The following KBTBD8 variants were observed in gnomAD, a reference collection of about 807,000 sequenced individuals.
KBTBD8 encodes kelch repeat and BTB domain-containing protein 8.
In KBTBD8, 31 loss-of-function variants were observed where a neutral mutation model predicts 53.5. The observed-to-expected ratio is 0.58, with a 90% confidence interval of 0.44 to 0.78. The LOEUF (loss-of-function observed/expected upper bound fraction) is 0.78, where lower values mean the gene tolerates loss of function less well. Ranked by LOEUF, KBTBD8 falls within the 30% of genes least tolerant of loss-of-function variation. The pLI, the probability that KBTBD8 is intolerant of heterozygous loss-of-function variation, is 0.00. For synonymous variants in KBTBD8, 250 were observed against 247.3 expected, an observed-to-expected ratio of 1.01 and a Z score of -0.10; for missense variants, 642 against 735.8, an observed-to-expected ratio of 0.87 and a Z score of 1.48.
rs1157523542 is a variant in KBTBD8, at chr3:67,003,980, A to G, written c.1013A>G (p.Tyr338Cys). The change falls in exon 3 of 4, where the codon TAC becomes TGC. Residue 338 changes from tyrosine to cysteine, a missense_variant. Transcript: ENST00000417314. ...CTTGTATCACCAGATAATGACATTT[A>G]CATTGCAGGAGGGTACAGGCCAAGC... is the stretch of plus-strand genomic sequence containing the variant. ...GILVSPDNDI[Y>C]IAGGYRPSSS... 2 of 1,614,184 alleles carry G rather than the reference A, an allele frequency of 1.2e-6. No homozygotes were observed. Among genetic ancestry groups the G allele is most frequent in the Non-Finnish European group, 1.7e-6 (2 of 1,180,028 alleles).
Position 67,003,404 on chromosome 3 carries a change from A to G in KBTBD8, c.437A>G (p.His146Arg). 1 of 1,614,116 alleles carries G rather than the reference A, an allele frequency of 6.2e-7. No homozygotes were observed. Among genetic ancestry groups the G allele is most frequent in the Non-Finnish European group, 8.5e-7 (1 of 1,179,972 alleles). Residue 146 changes from histidine to arginine, a missense_variant, in exon 3 of 4, where the codon CAT becomes CGT. By Grantham distance (29) the His-to-Arg change is conservative. Transcript: ENST00000417314. ...CAATGTGCTAAGTATATGATCAGTC[A>G]TTTGGACCCACAGAATTCTATTGGG... ...QDQCAKYMIS[H>R]LDPQNSIGVF...
At position 67,009,052 on chromosome 3, in the gene KBTBD8, A is replaced by ACTGT. The variant is rs1057185257; in HGVS notation, c.*670_*673dup. On this transcript the variant is annotated 3_prime_UTR_variant, in exon 4 of 4. Coordinates refer to ENST00000417314, the MANE Select transcript of KBTBD8 (RefSeq NM_032505.3). Reference sequence around the variant, plus strand: ...GTCGATGACTTTTTCAAGTGCTAACACTGTCTCTTTTGTGAAAATCTGGAA... The same window carrying ACTGT: ...GTCGATGACTTTTTCAAGTGCTAACACTGTCTGTCTCTTTTGTGAAAATCTGGAA... The ACTGT allele has an allele frequency of 6.6e-6, 1 of 152,658 alleles. No individual in the cohort carries two copies. The highest frequency in any genetic ancestry group is 1.5e-5 in the Non-Finnish European group (1 of 68,046). 9.5% of individuals were successfully genotyped at this position (152,658 alleles called of 1,614,324 possible).
chr3:67,005,424 C>G (rs749181885), intron 3 of KBTBD8, among the ~76,000 whole-genome samples: 1 of 152,166 alleles, frequency 6.6e-6, no homozygotes, highest in Non-Finnish European at 1.5e-5. Context: ...CATTGTGTTA[C>G]AGTTGCCTAG....
rs921664626 is a variant in KBTBD8 at position 66,999,054 on chromosome 3, C to T, written c.90C>T (p.Phe30=). 1.9e-6 allele frequency: 3 copies of T among 1,614,188 alleles called. No individual in the cohort carries two copies. Among genetic ancestry groups the T allele is most frequent in the East Asian group, 4.5e-5 (2 of 44,886 alleles). Residue 30 remains phenylalanine, a synonymous_variant, in exon 2 of 4, where the codon TTC becomes TTT. Transcript: ENST00000417314. ...SDPASDAMDP[F]HACSILKQLK... is the part of the protein sequence containing the mutation. ...CAGCCAGCGATGCCATGGACCCCTT[C>T]CATGCTTGCAGTATTCTTAAGCAAC...
intron 1 of KBTBD8, 80 bp downstream of exon 1, chr3:66,998,451 G>A (rs1428058069): frequency 8.9e-7 from 1 of 1,121,996 alleles, no homozygotes; most frequent in Non-Finnish European, 1.2e-6. Context: ...GCAGTGGGAT[G>A]AGGACGTAGC....
At chr3:67,002,512 C>CTTTTTTTTTTTTTT (rs57174511) in intron 2 of KBTBD8, among the ~76,000 whole-genome samples, 2 of 90,374 alleles carry the variant, frequency 2.2e-5, no homozygotes, top group African/African-American at 4.5e-5. Context: ...TATAGGTATT[C>CTTTTTTTTTTTTTT]TTTTTTTTTT....
intron 2 of KBTBD8, among the ~76,000 whole-genome samples, chr3:66,999,432 T>C (rs1481918883): frequency 6.6e-6 from 1 of 152,214 alleles, no homozygotes; most frequent in Non-Finnish European, 1.5e-5. Flanking sequence ...TTGAGGTAAA[T>C]GACCAGAAAA....
Position 67,003,828 on chromosome 3 carries a change from G to T in KBTBD8, c.861G>T (p.Met287Ile). 2 of 1,614,182 alleles carry T rather than the reference G, an allele frequency of 1.2e-6. No individual in the cohort carries two copies. Among genetic ancestry groups the T allele is most frequent in the Non-Finnish European group, 1.7e-6 (2 of 1,180,042 alleles). The stretch of plus-strand genomic sequence containing the variant: ...GGCTTGGAATGACTGCTTCTGAAAT[G>T]ATCATATGTTTTGATGCTGCCCACA... Reference protein sequence around the residue: ...TQRLGMTASEMIICFDAAHKH... With the variant: ...TQRLGMTASEIIICFDAAHKH... Residue 287 changes from methionine to isoleucine, a missense_variant, in exon 3 of 4, where the codon ATG becomes ATT. Coordinates refer to ENST00000417314, the MANE Select transcript of KBTBD8 (RefSeq NM_032505.3).
In KBTBD8 at chr3:67,008,027, TC is replaced by T. The variant is rs1702084101; in HGVS notation, c.1449del (p.Tyr484ThrfsTer3). 2 of 1,613,464 alleles carry T rather than the reference TC, an allele frequency of 1.2e-6. No individual in the cohort carries two copies. The highest frequency in any genetic ancestry group is 1.7e-6 in the Non-Finnish European group (2 of 1,179,646). On this transcript the variant is annotated frameshift_variant, in exon 4 of 4. Coordinates refer to ENST00000417314, the MANE Select transcript of KBTBD8 (RefSeq NM_032505.3). LOFTEE classifies it high-confidence loss of function. ...TTAGCAGCTGTATACAAGGACTCTA[TC>T]TACTACATAGCTGGAACCTGTGGAA... is the stretch of plus-strand genomic sequence containing the variant. ...QGLAAVYKDS[I>X]YYIAGTCGNH... is the part of the protein sequence containing the mutation.
Position 67,003,365 on chromosome 3 carries a change from C to T in KBTBD8, c.398C>T (p.Pro133Leu). Reference protein sequence around the residue: ...LFTAASIFQIPSIQDQCAKYM... With the variant: ...LFTAASIFQILSIQDQCAKYM... The stretch of plus-strand genomic sequence containing the variant: ...ACTGCAGCTAGCATCTTCCAGATTC[C>T]TTCCATCCAAGACCAATGTGCTAAG... Residue 133 changes from proline to leucine, a missense_variant, in exon 3 of 4, where the codon CCT becomes CTT. By Grantham distance (98) the Pro-to-Leu change is moderately conservative (BLOSUM62 -3). Coordinates refer to ENST00000417314, the MANE Select transcript of KBTBD8 (RefSeq NM_032505.3). 4 of 1,614,172 alleles carry T rather than the reference C, an allele frequency of 2.5e-6. No homozygotes were observed. Among genetic ancestry groups the T allele is most frequent in the Middle Eastern group, 1.6e-4 (1 of 6,062 alleles).
At position 67,006,242 on chromosome 3, in the gene KBTBD8, A is replaced by C. The variant is rs549092480; in HGVS notation, c.1343-1680A>C. On this transcript the variant is annotated intron_variant, in intron 3 of 3. Coordinates refer to ENST00000417314, the MANE Select transcript of KBTBD8 (RefSeq NM_032505.3). Reference sequence around the variant, plus strand: ...CCTAACTGTTAGTTGGTAGAGGTAGAATTAGATTCCTATTTGGAATGTGAA... The same window carrying C: ...CCTAACTGTTAGTTGGTAGAGGTAGCATTAGATTCCTATTTGGAATGTGAA... Among the ~76,000 whole-genome samples the C allele has an allele frequency of 3.3e-5, 5 of 152,314 alleles. No individual in the cohort carries two copies. In the South Asian group the frequency reaches 1.0e-3, roughly 32 times the overall value.
At position 67,008,930 on chromosome 3, in the gene KBTBD8, GAAGAA is replaced by G. The variant is rs1702094051; in HGVS notation, c.*548_*552del. 6.6e-6 allele frequency: 1 copy of G among 152,432 alleles called. No individual in the cohort carries two copies. Among genetic ancestry groups the G allele is most frequent in the Non-Finnish European group, 1.5e-5 (1 of 68,002 alleles). 9.4% of individuals were successfully genotyped at this position (152,432 alleles called of 1,614,324 possible). A position where few individuals can be genotyped will look rare whatever the true frequency, so the allele number is the denominator to read the frequency against. On this transcript the variant is annotated 3_prime_UTR_variant, in exon 4 of 4. Coordinates refer to ENST00000417314, the MANE Select transcript of KBTBD8 (RefSeq NM_032505.3). ...ATGTGTTCTATTATTAGAGTAGATC[GAAGAA>G]AAAATTAGTCTCAGAAAGAGCTTTT...
At chr3:67,002,298 T>G (rs1222962577) in intron 2 of KBTBD8, among the ~76,000 whole-genome samples, 2 of 152,156 alleles carry the variant, frequency 1.3e-5, no homozygotes, top group Admixed American at 1.3e-4. Context: ...ATATTACTTA[T>G]AATGGTTAAG....
At chr3:66,998,947 A>G (rs1232443079) in intron 1 of KBTBD8, 34 bp from the exon 2 acceptor site, 4 of 1,513,002 alleles carry the variant, frequency 2.6e-6, no homozygotes, top group East Asian at 4.8e-5. Flanking sequence ...CTGGCTCGGC[A>G]CTTCTTGTAG....
rs1702112203 is a variant in KBTBD8, at chr3:67,010,991, T to C, written c.*2606T>C. On this transcript the variant is annotated 3_prime_UTR_variant, in exon 4 of 4. Transcript: ENST00000417314. ...TTAAGCATCAAGCTGATTTTATTGG[T>C]CATGAGAACAAATGGATGTGATCAT... is the stretch of plus-strand genomic sequence containing the variant. 1 of 152,578 alleles carries C rather than the reference T, an allele frequency of 6.6e-6. No homozygotes were observed. The highest frequency in any genetic ancestry group is 2.4e-5 in the African/African-American group (1 of 41,426). The allele number at this position is 152,578 out of a possible 1,614,324, so 9.5% of individuals were successfully genotyped here. A position where few individuals can be genotyped will look rare whatever the true frequency, so the allele number is the denominator to read the frequency against.
chr3:67,005,762 G>A (rs1202177857), intron 3 of KBTBD8, among the ~76,000 whole-genome samples: 2 of 150,272 alleles, frequency 1.3e-5, no homozygotes, highest in Non-Finnish European at 3.0e-5. Flanking sequence ...TTCAACCTCC[G>A]CCTCCTGGGT....
Position 66,999,048 on chromosome 3 carries a change from C to A in KBTBD8, c.84C>A (p.Asp28Glu). The change falls in exon 2 of 4, where the codon GAC (aspartate) becomes GAA (glutamate). Residue 28 changes from aspartate to glutamate, a missense_variant. Physicochemically the swap from Asp to Glu is conservative, Grantham distance 45 (BLOSUM62 2). Transcript: ENST00000417314. ...PSSDPASDAMDPFHACSILKQ... is the reference protein window; with the variant it reads ...PSSDPASDAMEPFHACSILKQ... The stretch of plus-strand genomic sequence containing the variant: ...CAGACCCAGCCAGCGATGCCATGGA[C>A]CCCTTCCATGCTTGCAGTATTCTTA... 6.2e-7 allele frequency: 1 copy of A among 1,614,106 alleles called. No individual in the cohort carries two copies.
chr3:67,007,894 A>G (rs1702081898), intron 3 of KBTBD8, 28 bp from the exon 4 acceptor site: 2 of 1,319,638 alleles, frequency 1.5e-6, no homozygotes, highest in African/African-American at 1.5e-5. Flanking sequence ...AAATTTACAT[A>G]TTCTTGTTTT....
At chr3:66,999,567 C>G (rs1317737598) in intron 2 of KBTBD8, among the ~76,000 whole-genome samples, 1 of 152,198 alleles carries the variant, frequency 6.6e-6, no homozygotes. Context: ...TGAGTGCTTG[C>G]TGGTCACCTG....
Sources: gnomAD v4.1 joint callset for allele counts (sites outside exome capture counted in the v4.1 genomes callset) on GRCh38, gnomAD v4.1.1 for gene constraint, MANE v1.5 for transcripts, NCBI Gene and HGNC (gene_info 2026-07-23, HGNC 2026-07-21) for gene names.